The following TMPRSS13 variants were observed in gnomAD, a reference collection of about 807,000 sequenced individuals.
TMPRSS13 encodes transmembrane protease serine 13.
In TMPRSS13, 50 loss-of-function variants were observed where a neutral mutation model predicts 68.4. The ratio of observed to expected loss-of-function variants is 0.73; its 90% CI spans 0.58 to 0.93. The LOEUF is 0.93. TMPRSS13 is among the 40% of genes least tolerant of loss of function. The pLI, the probability that TMPRSS13 is intolerant of heterozygous loss-of-function variation, is 0.00. For synonymous variants in TMPRSS13, 267 were observed against 285.8 expected (o/e 0.93, Z 0.66); for missense variants, 615 against 729.2 (o/e 0.84, Z 1.80).
At chr11:117,917,925 T>C (rs12292821) in intron 2 of TMPRSS13, among the ~76,000 whole-genome samples, 26,537 of 152,058 alleles carry the variant, frequency 0.17, 3,302 homozygotes, top group African/African-American at 0.35. Flanking sequence ...CCCTAGTAGC[T>C]AAACCACACA....
intron 12 of TMPRSS13, chr11:117,903,191 C>T (rs933796482): frequency 7.2e-6 from 10 of 1,394,400 alleles, no homozygotes; most frequent in Middle Eastern, 2.6e-4. Flanking sequence ...AATGGAGTCA[C>T]TTGTGTTTTT....
In TMPRSS13 at chr11:117,918,546, G is replaced by A; in HGVS notation, c.314C>T (p.Ser105Leu). The A allele has an allele frequency of 6.2e-7, 1 of 1,614,222 alleles. No homozygotes were observed. Among genetic ancestry groups the A allele is most frequent in the Non-Finnish European group, 8.5e-7 (1 of 1,180,042 alleles). ...SLSRSSSGRS[S>L]SARSASVTTS... The stretch of plus-strand genomic sequence containing the variant: ...TGTCACCGAGGCTGACCTGGCGGAT[G>A]ATGACCTGCCGGATGAGGACCTGGA... Residue 105 changes from serine (S) to leucine (L), a missense_variant, in exon 2 of 13, where the codon TCA (serine) becomes TTA (leucine). By Grantham distance (145) the Ser-to-Leu change is moderately radical (BLOSUM62 -2). Transcript: ENST00000524993.
chr11:117,925,202 C>A (rs2057693677), intron 1 of TMPRSS13, among the ~76,000 whole-genome samples: 1 of 152,216 alleles, frequency 6.6e-6, no homozygotes, highest in African/African-American at 2.4e-5. Context: ...AGAAGACCGA[C>A]CTTTCAGTTT....
intron 4 of TMPRSS13, 59 bp from the exon 5 acceptor site, chr11:117,913,965 G>A: frequency 6.3e-7 from 1 of 1,586,480 alleles, no homozygotes; most frequent in Non-Finnish European, 8.6e-7. Context: ...TCAAGCTCTT[G>A]GGGGATGAGC....
intron 8 of TMPRSS13, 44 bp from the exon 9 acceptor site, chr11:117,908,828 G>T: frequency 2.6e-6 from 4 of 1,522,642 alleles, no homozygotes; most frequent in Non-Finnish European, 3.5e-6. Flanking sequence ...CTGCCTGGCA[G>T]CGTTCACTGG....
Position 117,901,487 on chromosome 11 carries a change from G to C in TMPRSS13, c.*752C>G, listed in dbSNP as rs1211635062. Reference sequence around the variant, plus strand: ...TACGACATTTCCCATGAATCCCCTGGGGGTCTTGGGCTGATTGATGCCAGC... The same window carrying C: ...TACGACATTTCCCATGAATCCCCTGCGGGTCTTGGGCTGATTGATGCCAGC... On this transcript the variant is annotated 3_prime_UTR_variant, in exon 13 of 13. Coordinates refer to ENST00000524993, the MANE Select transcript of TMPRSS13 (RefSeq NM_001077263.3). 1.3e-5 allele frequency: 2 copies of C among 152,354 alleles called. No individual in the cohort carries two copies. Among genetic ancestry groups the C allele is most frequent in the Non-Finnish European group, 2.9e-5 (2 of 68,010 alleles). 9.4% of individuals were successfully genotyped at this position (152,354 alleles called of 1,614,324 possible).
In TMPRSS13 at chr11:117,915,320, T is replaced by C. The variant is rs1184308804; in HGVS notation, c.557-806A>G. On this transcript the variant is annotated intron_variant, in intron 3 of 12. Transcript: ENST00000524993. This position sits in a 1 kb window ranked among gnomAD's most constrained non-coding sequence, Gnocchi z 4.9. Reference sequence around the variant, plus strand: ...AGACCCGGGTTCTAACTTCTCACCCTGCCGCTCCTCCTCCACCAGCTCCTC... The same window carrying C: ...AGACCCGGGTTCTAACTTCTCACCCCGCCGCTCCTCCTCCACCAGCTCCTC... Among the ~76,000 whole-genome samples the C allele has an allele frequency of 6.6e-6, 1 of 152,178 alleles. No homozygotes were observed. Among genetic ancestry groups the C allele is most frequent in the Admixed American group, 6.5e-5 (1 of 15,274 alleles).
chr11:117,914,539 G>T lies in TMPRSS13; in HGVS notation c.557-25C>A. On this transcript the variant is annotated intron_variant, in intron 3 of 12. Transcript: ENST00000524993. The surrounding 1 kb of genome is among the most constrained non-coding windows in gnomAD (Gnocchi z 4.2). ...ACTAGAGAAAAAGAAGCAGACAGCT[G>T]GGTCATGGCCAGCCCCACTGAGATG... is the stretch of plus-strand genomic sequence containing the variant. The T allele has an allele frequency of 6.2e-7, 1 of 1,613,078 alleles. No individual in the cohort carries two copies.
intron 1 of TMPRSS13, among the ~76,000 whole-genome samples, chr11:117,927,385 C>T (rs2057717040): frequency 6.6e-6 from 1 of 152,190 alleles, no homozygotes; most frequent in Non-Finnish European, 1.5e-5. Context: ...AACTAAGGTA[C>T]AGAAAGGTGA....
intron 5 of TMPRSS13, among the ~76,000 whole-genome samples, chr11:117,913,463 G>A (rs145263626): frequency 9.2e-5 from 14 of 152,302 alleles, no homozygotes; most frequent in East Asian, 7.7e-4. Flanking sequence ...TGCCCAAGTC[G>A]TAGGGCCACC....
At position 117,908,644 on chromosome 11, in the gene TMPRSS13, A is replaced by G; in HGVS notation, c.1250T>C (p.Leu417Pro). 6.3e-7 allele frequency: 1 copy of G among 1,575,114 alleles called. No homozygotes were observed. The highest frequency in any genetic ancestry group is 8.6e-7 in the Non-Finnish European group (1 of 1,160,756). ...TDEEDDYDIALMRLSKPLTLS... is the reference protein window; with the variant it reads ...TDEEDDYDIAPMRLSKPLTLS... Reference sequence around the variant, plus strand: ...GGTCAGGGGCTTGGACAGCCGCATGAGGGCGATGTCATAGTCGTCCTCCTC... The same window carrying G: ...GGTCAGGGGCTTGGACAGCCGCATGGGGGCGATGTCATAGTCGTCCTCCTC... The change falls in exon 9 of 13, where the codon CTC (leucine) becomes CCC (proline). Residue 417 changes from leucine to proline, a missense_variant. Coordinates refer to ENST00000524993, the MANE Select transcript of TMPRSS13 (RefSeq NM_001077263.3).
chr11:117,910,098 C>T, intron 7 of TMPRSS13, 130 bp from the exon 8 acceptor site: 13 of 1,101,184 alleles, frequency 1.2e-5, no homozygotes, highest in Non-Finnish European at 1.7e-5. Flanking sequence ...TGAAGGGCAC[C>T]CACCCTTCCA....
rs2092614376 is a variant in TMPRSS13, at chr11:117,904,090, G to A, written c.1393C>T (p.Pro465Ser). 6.2e-7 allele frequency: 1 copy of A among 1,613,848 alleles called. No individual in the cohort carries two copies. Among genetic ancestry groups the A allele is most frequent in the African/African-American group, 1.3e-5 (1 of 74,932 alleles). ...KTRETDDKTS[P>S]FLREVQVNLI... is the part of the protein sequence containing the mutation. Reference sequence around the variant, plus strand: ...TTGACCTGCACCTCCCGGAGGAAGGGGGATGTCTTGTCTTCAGTGAAGTGG... The same window carrying A: ...TTGACCTGCACCTCCCGGAGGAAGGAGGATGTCTTGTCTTCAGTGAAGTGG... Residue 465 changes from proline to serine, a missense_variant, in exon 11 of 13, where the codon CCC (proline) becomes TCC (serine). Transcript: ENST00000524993.
chr11:117,902,165 T>C lies in TMPRSS13; in HGVS notation c.*74A>G. The C allele has an allele frequency of 1.3e-6, 2 of 1,574,962 alleles. No homozygotes were observed. The highest frequency in any genetic ancestry group is 2.7e-5 in the African/African-American group (2 of 74,168). On this transcript the variant is annotated 3_prime_UTR_variant, in exon 13 of 13. Transcript: ENST00000524993. ...GCCCGGTGGCCATTAGCCCAGATGA[T>C]GCCACACATGGCCAGTCACCATGGC...
chr11:117,914,285 GCA>G lies in TMPRSS13; in HGVS notation c.679+105_679+106del. The G allele has an allele frequency of 6.9e-7, 1 of 1,442,700 alleles. No individual in the cohort carries two copies. The highest frequency in any genetic ancestry group is 9.5e-7 in the Non-Finnish European group (1 of 1,048,266). 89.4% of individuals were successfully genotyped at this position (1,442,700 alleles called of 1,614,324 possible). On this transcript the variant is annotated intron_variant, in intron 4 of 12. Transcript: ENST00000524993. The surrounding 1 kb of genome is among the most constrained non-coding windows in gnomAD (Gnocchi z 4.2). ...AACATGCACATACACACACATGCAC[GCA>G]CACATATACACACACAGGCATGCAT...
chr11:117,918,912 T>G (rs1213593939), intron 1 of TMPRSS13, 74 bp from the exon 2 acceptor site: 1 of 1,582,748 alleles, frequency 6.3e-7, no homozygotes, highest in African/African-American at 1.3e-5. Context: ...TGTGCTGCAC[T>G]AGGAGATGAA....
Position 117,904,096 on chromosome 11 carries a change from T to C in TMPRSS13, c.1387A>G (p.Thr463Ala), listed in dbSNP as rs374085809. The change falls in exon 11 of 13, where the codon ACA becomes GCA. Residue 463 changes from threonine to alanine, a missense_variant. Coordinates refer to ENST00000524993, the MANE Select transcript of TMPRSS13 (RefSeq NM_001077263.3). ...FGKTRETDDK[T>A]SPFLREVQVN... is the part of the protein sequence containing the mutation. Reference sequence around the variant, plus strand: ...TGCACCTCCCGGAGGAAGGGGGATGTCTTGTCTTCAGTGAAGTGGGGTGGA... The same window carrying C: ...TGCACCTCCCGGAGGAAGGGGGATGCCTTGTCTTCAGTGAAGTGGGGTGGA... The C allele has an allele frequency of 6.4e-5, 104 of 1,613,844 alleles. No individual in the cohort carries two copies. In the African/African-American group the frequency reaches 1.2e-3, roughly 18 times the overall value.
At position 117,903,724 on chromosome 11, in the gene TMPRSS13, G is replaced by A; in HGVS notation, c.1608C>T (p.Gly536=). The part of the protein sequence containing the change: ...AGVTSWGTGC[G]QRNKPGVYTK... ...TGTACACACCAGGTTTGTTTCTCTG[G>A]CCACAGCCTGTGCCCCAGCTGGTGA... Residue 536 remains glycine, a synonymous_variant, in exon 12 of 13, where the codon GGC becomes GGT. Coordinates refer to ENST00000524993, the MANE Select transcript of TMPRSS13 (RefSeq NM_001077263.3). 1.2e-6 allele frequency: 2 copies of A among 1,613,664 alleles called. No individual in the cohort carries two copies. The highest frequency in any genetic ancestry group is 1.7e-6 in the Non-Finnish European group (2 of 1,179,844).
intron 10 of TMPRSS13, 126 bp downstream of exon 10, chr11:117,905,512 G>C: frequency 2.8e-6 from 2 of 710,472 alleles, no homozygotes; most frequent in Non-Finnish European, 4.6e-6. Context: ...CCATGAATCC[G>C]TATACCCAAA....
Sources: gnomAD v4.1 joint callset for allele counts (sites outside exome capture counted in the v4.1 genomes callset) on GRCh38, gnomAD v4.1.1 for gene constraint, Gnocchi (gnomAD v3.1) non-coding constraint, MANE v1.5 for transcripts, NCBI Gene and HGNC (gene_info 2026-07-23, HGNC 2026-07-21) for gene names.